Variants in MBOAT1 observed in about 807,000 individuals in gnomAD.
The protein encoded by MBOAT1 is membrane-bound glycerophospholipid O-acyltransferase 1.
A neutral mutation model predicts 64.4 loss-of-function variants in MBOAT1; 67 were observed. That is an observed-to-expected ratio of 1.04 (90% CI 0.85 to 1.27). MBOAT1 has a LOEUF of 1.27. MBOAT1 is among the 50% of genes most tolerant of loss of function. MBOAT1 has a pLI of 0.00. For missense variants in MBOAT1, 563 were observed against 604.6 expected (o/e 0.93, Z 0.72); for synonymous variants, 229 against 218.9 (o/e 1.05, Z -0.41).
At chr6:20,121,631 A>G (rs566265112) in intron 8 of MBOAT1, among the ~76,000 whole-genome samples, 6 of 152,278 alleles carry the variant, frequency 3.9e-5, no homozygotes, top group South Asian at 2.1e-4. Flanking sequence ...GACTTTCCCT[A>G]TGCAATGGAA....
chr6:20,195,626 T>C (rs1462862853), intron 1 of MBOAT1, among the ~76,000 whole-genome samples: 1 of 152,120 alleles, frequency 6.6e-6, no homozygotes, highest in Admixed American at 6.6e-5. Context: ...TGTGTGTGTG[T>C]GTGTGTGTGC....
intron 1 of MBOAT1, among the ~76,000 whole-genome samples, chr6:20,169,867 C>T (rs2113723872): frequency 6.6e-6 from 1 of 152,116 alleles, no homozygotes; most frequent in Non-Finnish European, 1.5e-5. Flanking sequence ...CATTTTTAAC[C>T]TCCCTTTGTG....
intron 1 of MBOAT1, among the ~76,000 whole-genome samples, chr6:20,174,240 C>T (rs976041011): frequency 1.3e-5 from 2 of 152,138 alleles, no homozygotes; most frequent in Admixed American, 6.5e-5. Flanking sequence ...AATCCTGCGT[C>T]GCTTAACAAT....
chr6:20,208,300 GC>G (rs1295975606), intron 1 of MBOAT1, among the ~76,000 whole-genome samples: 1 of 151,904 alleles, frequency 6.6e-6, no homozygotes, highest in African/African-American at 2.4e-5. Context: ...ACAAAAATTA[GC>G]CGGGTATGGT....
intron 12 of MBOAT1, among the ~76,000 whole-genome samples, chr6:20,103,938 C>G (rs553248639): frequency 6.6e-6 from 1 of 152,280 alleles, no homozygotes; most frequent in African/African-American, 2.4e-5. Context: ...ATTCACTCAC[C>G]ACTCACTCAC....
chr6:20,116,035 T>C (rs1162107903), intron 9 of MBOAT1, among the ~76,000 whole-genome samples: 2 of 150,944 alleles, frequency 1.3e-5, no homozygotes, highest in Non-Finnish European at 2.9e-5. Context: ...GTTCTAGTGA[T>C]AAAAAGCATG....
At chr6:20,161,951 G>A (rs993704239) in intron 1 of MBOAT1, among the ~76,000 whole-genome samples, 11 of 152,204 alleles carry the variant, frequency 7.2e-5, no homozygotes, top group South Asian at 4.2e-4. Context: ...CTGAGATTGA[G>A]GGTGTCGGCA....
chr6:20,198,220 T>G (rs1447785967), intron 1 of MBOAT1, among the ~76,000 whole-genome samples: 1 of 122,542 alleles, frequency 8.2e-6, no homozygotes, highest in East Asian at 2.2e-4. Context: ...AGGGCAAGAC[T>G]GTGTCTCAAA....
chr6:20,203,800 T>TC (rs1178390632), intron 1 of MBOAT1, among the ~76,000 whole-genome samples: 1 of 139,704 alleles, frequency 7.2e-6, no homozygotes, highest in African/African-American at 2.6e-5. Flanking sequence ...TGGGCCCGTT[T>TC]AAAAAAAAAA....
Position 20,102,303 on chromosome 6 carries a change from TA to T in MBOAT1, c.1470del (p.Asn490LysfsTer49). On this transcript the variant is annotated frameshift_variant, in exon 13 of 13. Transcript: ENST00000324607. LOFTEE classifies it high-confidence loss of function. ...QRRPQTLNSI[N>X]KRKTD ...TGGAGGTATCAATCTGTTTTTCTCT[TA>T]TTAATAGAGTTCAGAGTCTGAGGCC... 2 of 1,613,786 alleles carry T rather than the reference TA, an allele frequency of 1.2e-6. No homozygotes were observed. The highest frequency in any genetic ancestry group is 1.7e-4 in the Middle Eastern group (1 of 6,058).
chr6:20,137,224 A>G (rs185001939), intron 4 of MBOAT1, among the ~76,000 whole-genome samples: 475 of 152,340 alleles, frequency 3.1e-3, no homozygotes, highest in Admixed American at 6.8e-3. Flanking sequence ...AGTACATAAG[A>G]GTTCTCATTT....
At chr6:20,189,952 T>C (rs1762758281) in intron 1 of MBOAT1, among the ~76,000 whole-genome samples, 1 of 152,194 alleles carries the variant, frequency 6.6e-6, no homozygotes, top group Non-Finnish European at 1.5e-5. Context: ...GTTGATTCTA[T>C]ATCCTGGCTA....
chr6:20,122,605 C>G (rs1381239592), intron 8 of MBOAT1, among the ~76,000 whole-genome samples: 1 of 152,128 alleles, frequency 6.6e-6, no homozygotes, highest in Middle Eastern at 3.2e-3. Context: ...TTGGACTGAA[C>G]TTATGCAGGA....
chr6:20,102,886 CG>C (rs1247030581), intron 12 of MBOAT1, among the ~76,000 whole-genome samples: 1 of 152,084 alleles, frequency 6.6e-6, no homozygotes, highest in East Asian at 1.9e-4. Context: ...TCGTAGCCAT[CG>C]TAATGTCATA....
chr6:20,144,399 C>A (rs1761269473), intron 3 of MBOAT1, 84 bp from the exon 4 acceptor site: 2 of 939,760 alleles, frequency 2.1e-6, no homozygotes, highest in Non-Finnish European at 3.4e-6. Context: ...TCTCTTTCAT[C>A]CTTCACGTGC....
At chr6:20,146,472 A>C (rs1246573531) in intron 3 of MBOAT1, among the ~76,000 whole-genome samples, 1 of 152,348 alleles carries the variant, frequency 6.6e-6, no homozygotes, top group East Asian at 1.9e-4. Context: ...TTCCAAACCA[A>C]GAAGATGGTC....
At chr6:20,115,148 A>G (rs1644132035) in intron 10 of MBOAT1, 140 bp downstream of exon 10, 2 of 699,682 alleles carry the variant, frequency 2.9e-6, no homozygotes, top group African/African-American at 1.8e-5. Context: ...CTACTTTATC[A>G]TTTACAGGGC....
At chr6:20,193,291 C>T (rs1762861269) in intron 1 of MBOAT1, among the ~76,000 whole-genome samples, 2 of 152,104 alleles carry the variant, frequency 1.3e-5, no homozygotes, top group Admixed American at 1.3e-4. Context: ...CAGGCGTGAG[C>T]CACCGCGCCC....
intron 1 of MBOAT1, among the ~76,000 whole-genome samples, chr6:20,178,738 C>T (rs9465645): frequency 0.15 from 23,288 of 152,020 alleles, 3,400 homozygotes; most frequent in African/African-American, 0.39. Context: ...CATTCATTCC[C>T]TGATTCTGGA....
Sources: gnomAD v4.1 joint callset for allele counts (sites outside exome capture counted in the v4.1 genomes callset) on GRCh38, gnomAD v4.1.1 for gene constraint, MANE v1.5 for transcripts, NCBI Gene and HGNC (gene_info 2026-07-23, HGNC 2026-07-21) for gene names.